The following FBXL7 variants were observed in gnomAD, a reference collection of about 807,000 sequenced individuals.
FBXL7 encodes the protein F-box and leucine rich repeat protein 7, also known as F-box/LRR-repeat protein 7.
FBXL7 carries 12 observed loss-of-function variants against 38.3 expected under a neutral mutation model. That is an observed-to-expected ratio of 0.31 (90% CI 0.20 to 0.51). The LOEUF is 0.51. Ranked by LOEUF, FBXL7 falls within the 20% of genes least tolerant of loss-of-function variation. The pLI is 0.98. For synonymous variants in FBXL7, 297 were observed against 300.9 expected, an observed-to-expected ratio of 0.99 and a Z score of 0.13; for missense variants, 567 against 676.4, an observed-to-expected ratio of 0.84 and a Z score of 1.79.
chr5:15,583,633 T>A (rs1739215373), intron 1 of FBXL7, among the ~76,000 whole-genome samples: 1 of 152,204 alleles, frequency 6.6e-6, no homozygotes, highest in Non-Finnish European at 1.5e-5. Flanking sequence ...TGACTGTATG[T>A]CTCACATCTA....
At position 15,669,793 on chromosome 5, in the gene FBXL7, C is replaced by T. The variant is rs570173522; in HGVS notation, c.127+53721C>T. Among the ~76,000 whole-genome samples the T allele has an allele frequency of 3.3e-5, 5 of 152,322 alleles. No individual in the cohort carries two copies. In the East Asian group the frequency reaches 7.7e-4, roughly 23 times the overall value. ...TAATGTGGATTAATACAGGAACCCT[C>T]TTTACAGGAACTTGAATGTTGCAGT... On this transcript the variant is annotated intron_variant, in intron 2 of 3. Coordinates refer to ENST00000504595, the MANE Select transcript of FBXL7 (RefSeq NM_012304.5).
chr5:15,838,787 G>GCCCT (rs1429665638), intron 2 of FBXL7, among the ~76,000 whole-genome samples: 1 of 151,902 alleles, frequency 6.6e-6, no homozygotes, highest in Non-Finnish European at 1.5e-5. Context: ...TCTTCCCTGG[G>GCCCT]GAGTCTCCCT....
intron 2 of FBXL7, among the ~76,000 whole-genome samples, chr5:15,820,435 T>A (rs1738139473): frequency 1.3e-5 from 2 of 152,188 alleles, no homozygotes; most frequent in African/African-American, 4.8e-5. Context: ...ACTGGCCTTT[T>A]ACTTTTCTTA....
chr5:15,649,920 A>G (rs1431191085), intron 2 of FBXL7, among the ~76,000 whole-genome samples: 1 of 152,166 alleles, frequency 6.6e-6, no homozygotes, highest in East Asian at 1.9e-4. Context: ...AGCTTTTCCT[A>G]CATTATCTAA....
chr5:15,756,930 C>T (rs185800850), intron 2 of FBXL7, among the ~76,000 whole-genome samples: 1 of 152,238 alleles, frequency 6.6e-6, no homozygotes, highest in African/African-American at 2.4e-5. Context: ...GGCAGCCTGA[C>T]TTTTGATTAT....
chr5:15,674,499 G>A (rs1742587444), intron 2 of FBXL7, among the ~76,000 whole-genome samples: 1 of 152,166 alleles, frequency 6.6e-6, no homozygotes, highest in Non-Finnish European at 1.5e-5. Flanking sequence ...GTTGGCTATA[G>A]GGTTTCTATT....
chr5:15,909,415 T>C, intron 2 of FBXL7, among the ~76,000 whole-genome samples: 1 of 20,724 alleles, frequency 4.8e-5, no homozygotes, highest in African/African-American at 3.6e-4. Flanking sequence ...TCTCTTTTTT[T>C]CTTTATTAGT....
At chr5:15,517,243 G>A (rs1475439656) in intron 1 of FBXL7, among the ~76,000 whole-genome samples, 2 of 152,100 alleles carry the variant, frequency 1.3e-5, no homozygotes, top group Non-Finnish European at 2.9e-5. Flanking sequence ...AGCCAGGATG[G>A]TCTCGATCAT....
chr5:15,825,846 T>C (rs528144631), intron 2 of FBXL7, among the ~76,000 whole-genome samples: 3 of 152,334 alleles, frequency 2.0e-5, no homozygotes, highest in Admixed American at 1.3e-4. Context: ...TCAACTTCAG[T>C]TGTCTTATTT....
chr5:15,536,682 C>G (rs1737595462), intron 1 of FBXL7, among the ~76,000 whole-genome samples: 1 of 152,154 alleles, frequency 6.6e-6, no homozygotes, highest in Non-Finnish European at 1.5e-5. Flanking sequence ...TTTGATTTTA[C>G]AGGCTCATAG....
chr5:15,698,165 C>A (rs1480238867), intron 2 of FBXL7, among the ~76,000 whole-genome samples: 4 of 152,090 alleles, frequency 2.6e-5, no homozygotes, highest in East Asian at 1.9e-4. Context: ...CAAGAAAAAA[C>A]CAAACAGATA....
rs78225841 is a variant in FBXL7, at chr5:15,836,315, A to C, written c.128-91575A>C. The stretch of plus-strand genomic sequence containing the variant: ...CTTTTCTGGGCTCTAACGAAGGAAG[A>C]CGGACAATAAGAAACATGAAAAATG... On this transcript the variant is annotated intron_variant, in intron 2 of 3. Coordinates refer to ENST00000504595, the MANE Select transcript of FBXL7 (RefSeq NM_012304.5). 3.4e-3 allele frequency among the ~76,000 whole-genome samples: 513 copies of C among 152,344 alleles called. 17 individuals carry two copies. The East Asian group carries it at 0.076, about 23-fold the overall frequency.
intron 2 of FBXL7, among the ~76,000 whole-genome samples, chr5:15,923,062 A>C (rs77891267): frequency 9.2e-5 from 14 of 152,198 alleles, no homozygotes; most frequent in African/African-American, 7.2e-5. Flanking sequence ...TTTGTATTGC[A>C]ATGTCGTAAG....
At chr5:15,734,217 GC>G (rs1448055655) in intron 2 of FBXL7, among the ~76,000 whole-genome samples, 1 of 151,902 alleles carries the variant, frequency 6.6e-6, no homozygotes, top group Non-Finnish European at 1.5e-5. Context: ...CACAGATCCT[GC>G]TGCACAGGCC....
chr5:15,783,738 A>G (rs1435886873), intron 2 of FBXL7, among the ~76,000 whole-genome samples: 1 of 152,146 alleles, frequency 6.6e-6, no homozygotes, highest in Non-Finnish European at 1.5e-5. Flanking sequence ...TGAAGGGAGC[A>G]TTCAGAGAAA....
chr5:15,560,921 T>C (rs1318760210), intron 1 of FBXL7, among the ~76,000 whole-genome samples: 1 of 152,200 alleles, frequency 6.6e-6, no homozygotes, highest in East Asian at 1.9e-4. Flanking sequence ...AAGAATTTCA[T>C]ATATATTTAA....
chr5:15,891,428 C>T (rs1740896239), intron 2 of FBXL7, among the ~76,000 whole-genome samples: 1 of 152,184 alleles, frequency 6.6e-6, no homozygotes, highest in African/African-American at 2.4e-5. Context: ...TAATTTTCTA[C>T]ATTTTAGAAT....
chr5:15,768,060 T>A (rs990719359), intron 2 of FBXL7, among the ~76,000 whole-genome samples: 2 of 152,236 alleles, frequency 1.3e-5, no homozygotes, highest in Admixed American at 6.5e-5. Flanking sequence ...CTGCTTTGGT[T>A]AACAAGTCCA....
intron 1 of FBXL7, among the ~76,000 whole-genome samples, chr5:15,601,788 C>T (rs1201427726): frequency 2.0e-5 from 3 of 152,086 alleles, no homozygotes; most frequent in South Asian, 2.1e-4. Context: ...CTATTTAATT[C>T]GGCAGAAAAT....
Sources: allele counts gnomAD v4.1 joint callset (sites outside exome capture counted in the v4.1 genomes callset), GRCh38; gene constraint gnomAD v4.1.1; transcripts MANE v1.5; gene names NCBI Gene and HGNC (gene_info 2026-07-23, HGNC 2026-07-21).